The following SOBP variants were observed in gnomAD, a reference collection of about 807,000 sequenced individuals.
SOBP encodes the protein sine oculis-binding protein homolog.
A neutral mutation model predicts 53.6 loss-of-function variants in SOBP; 4 were observed. The observed-to-expected ratio is 0.07, with a 90% CI of 0.04 to 0.17. The LOEUF is 0.17. Ranked by LOEUF, SOBP falls within the 10% of genes least tolerant of loss-of-function variation. The pLI is 1.00. For missense variants in SOBP, 1,088 were observed against 1,204.7 expected (o/e 0.90, Z 1.43); for synonymous variants, 584 against 522.6 (o/e 1.12, Z -1.60).
intron 4 of SOBP, among the ~76,000 whole-genome samples, chr6:107,549,449 G>A (rs1428672753): frequency 6.1e-5 from 9 of 148,718 alleles, no homozygotes; most frequent in South Asian, 4.3e-4. Context: ...AGAAACTCAG[G>A]AAAAAAAAAA....
At chr6:107,636,562 C>T (rs1771052134) in intron 6 of SOBP, among the ~76,000 whole-genome samples, 1 of 152,216 alleles carries the variant, frequency 6.6e-6, no homozygotes, top group Non-Finnish European at 1.5e-5. Flanking sequence ...CCCGTCTATC[C>T]AAGCGGGCAT....
chr6:107,625,632 A>G (rs536369609), intron 5 of SOBP, among the ~76,000 whole-genome samples: 137 of 152,274 alleles, frequency 9.0e-4, no homozygotes, highest in African/African-American at 3.2e-3. Flanking sequence ...CAGGGGTACC[A>G]CCCATCACCA....
rs1472224537 is a variant in SOBP, at chr6:107,634,889, C to A, written c.2045C>A (p.Pro682Gln). ...GCGCACGTCAAGGCGGAGCGCGAGC[C>A]GAGCGCCGCGGAGCGCAGGACCTGC... ...LHAHVKAEREPSAAERRTCGG... is the reference protein window; with the variant it reads ...LHAHVKAEREQSAAERRTCGG... The change falls in exon 6 of 7, where the codon CCG becomes CAG. Residue 682 changes from proline (P) to glutamine (Q), a missense_variant. By Grantham distance (76) the Pro-to-Gln change is moderately conservative. This residue lies in a region of SOBP where 665 missense variants were observed against 629.7 expected (regional missense o/e 1.06). Transcript: ENST00000317357. The surrounding 1 kb of genome is among the most constrained non-coding windows in gnomAD (Gnocchi z 4.5). 7.6e-7 allele frequency: 1 copy of A among 1,321,432 alleles called. No homozygotes were observed. Among genetic ancestry groups the A allele is most frequent in the Non-Finnish European group, 9.7e-7 (1 of 1,026,170 alleles). The allele number at this position is 1,321,432 out of a possible 1,614,324, so 81.9% of individuals were successfully genotyped here.
chr6:107,524,270 G>A (rs927593741), intron 3 of SOBP, among the ~76,000 whole-genome samples: 2 of 152,098 alleles, frequency 1.3e-5, no homozygotes, highest in African/African-American at 2.4e-5. Context: ...CTCCCTTGTC[G>A]CTTATCACGT....
At chr6:107,520,825 C>T (rs568408360) in intron 3 of SOBP, among the ~76,000 whole-genome samples, 1 of 152,242 alleles carries the variant, frequency 6.6e-6, no homozygotes, top group Admixed American at 6.5e-5. Flanking sequence ...GGGCTTTTCA[C>T]TAGTGTTTCC....
At chr6:107,589,966 T>G (rs1261289561) in intron 5 of SOBP, among the ~76,000 whole-genome samples, 1 of 152,204 alleles carries the variant, frequency 6.6e-6, no homozygotes, top group East Asian at 1.9e-4. Context: ...TGTAGCAGCC[T>G]GGTTTACAAG....
chr6:107,633,885 G>A lies in SOBP; in HGVS notation c.1041G>A (p.Thr347=), dbSNP rs1387260244. The A allele has an allele frequency of 2.5e-6, 4 of 1,614,056 alleles. No homozygotes were observed. The highest frequency in any genetic ancestry group is 3.4e-6 in the Non-Finnish European group (4 of 1,180,016). The part of the protein sequence containing the change: ...TANCSVTKIP[T]PVPKSIPISE... ...ACTGCTCTGTCACTAAAATCCCCAC[G>A]CCAGTGCCCAAGTCCATCCCCATCA... The change falls in exon 6 of 7, where the codon ACG becomes ACA. Residue 347 remains threonine, a synonymous_variant. Coordinates refer to ENST00000317357, the MANE Select transcript of SOBP (RefSeq NM_018013.4).
At chr6:107,600,188 A>G (rs767078641) in intron 5 of SOBP, among the ~76,000 whole-genome samples, 89 of 152,220 alleles carry the variant, frequency 5.8e-4, no homozygotes, top group Non-Finnish European at 1.1e-3. Context: ...CTAAAATTAC[A>G]ATGTGTGTGA....
intron 6 of SOBP, among the ~76,000 whole-genome samples, chr6:107,649,163 C>CAAAAAAAAAAAA (rs61034738): frequency 2.5e-5 from 1 of 40,406 alleles, no homozygotes; most frequent in African/African-American, 1.1e-4. Context: ...CCCCCACTAC[C>CAAAAAAAAAAAA]AAAAAAAAAA....
At chr6:107,656,300 AAAG>A (rs1772037238) in intron 6 of SOBP, among the ~76,000 whole-genome samples, 2 of 13,708 alleles carry the variant, frequency 1.5e-4, no homozygotes, top group African/African-American at 3.7e-4. Context: ...AGAAAGAAAG[AAAG>A]AAAGAAAGAA....
chr6:107,633,764 C>G lies in SOBP; in HGVS notation c.920C>G (p.Ala307Gly). ...TCTTGGAATATCCCGCTAACAGATG[C>G]TCGGAGGAAGGCCCCCTCCCCGGTG... The part of the protein sequence containing the change: ...PDSWNIPLTD[A>G]RRKAPSPVAT... Residue 307 changes from alanine (A) to glycine (G), a missense_variant, in exon 6 of 7, where the codon GCT becomes GGT. Ala to Gly is a moderately conservative substitution (Grantham distance 60). This residue lies in a region of SOBP where 211 missense variants were observed against 258.9 expected (regional missense o/e 0.82). Coordinates refer to ENST00000317357, the MANE Select transcript of SOBP (RefSeq NM_018013.4). The G allele has an allele frequency of 6.2e-7, 1 of 1,614,256 alleles. No homozygotes were observed. Among genetic ancestry groups the G allele is most frequent in the Non-Finnish European group, 8.5e-7 (1 of 1,180,040 alleles).
chr6:107,549,568 C>A (rs1468212289), intron 4 of SOBP, among the ~76,000 whole-genome samples: 1 of 151,924 alleles, frequency 6.6e-6, no homozygotes, highest in East Asian at 1.9e-4. Flanking sequence ...TTTATATTTC[C>A]TTTCCCCCAG....
intron 3 of SOBP, among the ~76,000 whole-genome samples, chr6:107,518,949 A>AT (rs1426494135): frequency 1.3e-5 from 2 of 152,174 alleles, no homozygotes; most frequent in African/African-American, 4.8e-5. Context: ...CAAGTAGAAT[A>AT]TTTAAGAATC....
At chr6:107,517,319 A>G (rs1783349690) in intron 3 of SOBP, among the ~76,000 whole-genome samples, 2 of 152,232 alleles carry the variant, frequency 1.3e-5, no homozygotes. Flanking sequence ...AAGACTGGAA[A>G]TCAAGATCAG....
chr6:107,584,825 AC>A (rs1378320072), intron 4 of SOBP, among the ~76,000 whole-genome samples: 1 of 152,114 alleles, frequency 6.6e-6, no homozygotes, highest in Non-Finnish European at 1.5e-5. Context: ...CACAAAAAAA[AC>A]ATTGTGTGCA....
At chr6:107,536,994 G>A (rs1487141656) in intron 4 of SOBP, among the ~76,000 whole-genome samples, 3 of 152,168 alleles carry the variant, frequency 2.0e-5, no homozygotes, top group Non-Finnish European at 4.4e-5. Context: ...TTCATGTATT[G>A]GAGACTTTTC....
intron 5 of SOBP, among the ~76,000 whole-genome samples, chr6:107,614,587 A>G (rs1028910026): frequency 6.6e-6 from 1 of 152,238 alleles, no homozygotes; most frequent in Non-Finnish European, 1.5e-5. Flanking sequence ...TGCTAATAAG[A>G]GTAGGATGAA....
At chr6:107,632,615 G>A (rs1300538754) in intron 5 of SOBP, among the ~76,000 whole-genome samples, 2 of 152,148 alleles carry the variant, frequency 1.3e-5, no homozygotes, top group African/African-American at 4.8e-5. Context: ...CAAAGTAATG[G>A]GTTCTGAAGC....
At chr6:107,552,867 G>T (rs1452345228) in intron 4 of SOBP, among the ~76,000 whole-genome samples, 4 of 152,116 alleles carry the variant, frequency 2.6e-5, no homozygotes, top group African/African-American at 9.7e-5. Context: ...AAACTGCAGT[G>T]AGCTATGATC....
Sources: gnomAD v4.1 joint callset for allele counts (sites outside exome capture counted in the v4.1 genomes callset) on GRCh38, gnomAD v4.1.1 for gene constraint, gnomAD v4.1.1 regional missense constraint, Gnocchi (gnomAD v3.1) non-coding constraint, MANE v1.5 for transcripts, NCBI Gene and HGNC (gene_info 2026-07-23, HGNC 2026-07-21) for gene names.